SEC14L3: variants seen among roughly 807,000 people sequenced by gnomAD.
The protein encoded by SEC14L3 is SEC14-like protein 3.
SEC14L3 carries 56 observed loss-of-function variants against 57.4 expected under a neutral mutation model. The observed-to-expected ratio is 0.97, with a 90% CI of 0.79 to 1.22. The LOEUF is 1.22. SEC14L3 is among the 50% of genes most tolerant of loss of function. The pLI is 0.00. For missense variants in SEC14L3, 485 were observed against 511.7 expected, an observed-to-expected ratio of 0.95 and a Z score of 0.50; for synonymous variants, 173 against 194.4, an observed-to-expected ratio of 0.89 and a Z score of 0.92.
At chr22:30,454,527 A>G (rs562560628), downstream of SEC14L3, among the ~76,000 whole-genome samples, 104 of 111,620 alleles carry the variant, frequency 9.3e-4, 7 homozygotes, top group African/African-American at 3.6e-3. Context: ...ATTATTATAT[A>G]TAATCTATAA....
downstream of SEC14L3, among the ~76,000 whole-genome samples, chr22:30,455,212 T>C (rs1935098673): frequency 8.0e-6 from 1 of 124,624 alleles, no homozygotes; most frequent in South Asian, 2.3e-4. Context: ...TTAATATAAA[T>C]ATTAAATAAT....
At chr22:30,449,063 G>C in exon 13 of SEC14L3, 3 of 1,549,460 alleles carry the variant, frequency 1.9e-6, no homozygotes, top group Non-Finnish European at 2.6e-6. Context: ...TTACACACAG[G>C]CCAGTTACTC....
chr22:30,455,078 T>G (rs1935086254), downstream of SEC14L3, among the ~76,000 whole-genome samples: 1 of 83,458 alleles, frequency 1.2e-5, no homozygotes. Flanking sequence ...ATATATAATA[T>G]ATTAAATATT....
At position 30,468,598 on chromosome 22, in the gene SEC14L3, C is replaced by T; in HGVS notation, c.333G>A (p.Leu111=). The T allele has an allele frequency of 6.2e-7, 1 of 1,613,974 alleles. No individual in the cohort carries two copies. The highest frequency in any genetic ancestry group is 8.5e-7 in the Non-Finnish European group (1 of 1,180,006). ...DIIGPLDPKG[L]LFSVTKQDLL... ...GGTCCTGCTTGGTGACTGAGAAGAG[C>T]AACCCCTTGGGATCAAGTGGCCCAA... The change falls in exon 5 of 12, where the codon TTG becomes TTA. Residue 111 remains leucine, a synonymous_variant. Transcript: ENST00000215812.
At position 30,470,296 on chromosome 22, in the gene SEC14L3, C is replaced by G. The variant is rs956841913; in HGVS notation, c.131-41G>C. On this transcript the variant is annotated intron_variant, in intron 2 of 11. Coordinates refer to ENST00000215812, the MANE Select transcript of SEC14L3 (RefSeq NM_174975.5). ...AGGAAGGTGTGAGACAGGAAAGATG[C>G]CTTGTCTTACTCCTGGCCAGTGGGA... 3.7e-6 allele frequency: 6 copies of G among 1,605,908 alleles called. No individual in the cohort carries two copies. In the South Asian group the frequency reaches 6.7e-5, roughly 18 times the overall value.
At chr22:30,455,098 A>ATATATAT (rs1569225611), downstream of SEC14L3, among the ~76,000 whole-genome samples, 3 of 34,332 alleles carry the variant, frequency 8.7e-5, no homozygotes, top group African/African-American at 5.3e-4. Flanking sequence ...TTAATATATA[A>ATATATAT]TATATTTAAT....
downstream of SEC14L3, among the ~76,000 whole-genome samples, chr22:30,454,832 TATAATA>T (rs1165000011): frequency 2.9e-5 from 1 of 34,200 alleles, no homozygotes; most frequent in Non-Finnish European, 4.0e-5. Flanking sequence ...TAATATAATA[TATAATA>T]ATATATAATA....
In SEC14L3 at chr22:30,470,594, G is replaced by T. The variant is rs760259295; in HGVS notation, c.55-12C>A. Reference sequence around the variant, plus strand: ...ACGTTTTCTCGGAACTGGCAAGAGAGATGCTGGTTAAAGTGGCTCTCTCAC... The same window carrying T: ...ACGTTTTCTCGGAACTGGCAAGAGATATGCTGGTTAAAGTGGCTCTCTCAC... On this transcript the variant is annotated splice_polypyrimidine_tract_variant and intron_variant, in intron 1 of 11. Coordinates refer to ENST00000215812, the MANE Select transcript of SEC14L3 (RefSeq NM_174975.5). 30 of 1,614,096 alleles carry T rather than the reference G, an allele frequency of 1.9e-5. No homozygotes were observed. The highest frequency in any genetic ancestry group is 2.5e-5 in the Non-Finnish European group (29 of 1,180,042).
intron 5 of SEC14L3, among the ~76,000 whole-genome samples, chr22:30,467,792 C>G (rs1222816518): frequency 6.6e-6 from 1 of 152,206 alleles, no homozygotes; most frequent in Non-Finnish European, 1.5e-5. Flanking sequence ...ATAGCAATAG[C>G]TACCATTGTT....
chr22:30,452,949 C>G (rs1032345980), intron 12 of SEC14L3, among the ~76,000 whole-genome samples: 1 of 152,066 alleles, frequency 6.6e-6, no homozygotes, highest in Non-Finnish European at 1.5e-5. Context: ...AACTCCTATA[C>G]TCAAGCAATC....
downstream of SEC14L3, among the ~76,000 whole-genome samples, chr22:30,455,554 T>C (rs1196321866): frequency 6.6e-6 from 1 of 152,180 alleles, no homozygotes; most frequent in Non-Finnish European, 1.5e-5. Context: ...TGTGTTGCCT[T>C]AACCTTGTGC....
intron 7 of SEC14L3, 44 bp downstream of exon 7, chr22:30,466,290 T>G: frequency 8.7e-5 from 137 of 1,567,636 alleles, no homozygotes; most frequent in Non-Finnish European, 1.1e-4. Flanking sequence ...AGCGTACAGA[T>G]GAGGAAACAG....
At chr22:30,464,339 G>T (rs1226869649) in intron 8 of SEC14L3, among the ~76,000 whole-genome samples, 1 of 152,210 alleles carries the variant, frequency 6.6e-6, no homozygotes, top group Non-Finnish European at 1.5e-5. Flanking sequence ...GTCCACCAAA[G>T]GGGTATGGCA....
rs1935259033 is a variant in SEC14L3, at chr22:30,461,462, T to A, written c.929A>T (p.Asp310Val). The change falls in exon 11 of 12, where the codon GAT becomes GTT. Residue 310 changes from aspartate to valine, a missense_variant. Transcript: ENST00000215812. The part of the protein sequence containing the change: ...GCVLRWQFSS[D>V]GADIGFGVFL... The stretch of plus-strand genomic sequence containing the variant: ...AACTCCGAAGCCGATGTCCGCACCA[T>A]CAGATGAGAACTGCCACCTGTCAGG... 6.2e-7 allele frequency: 1 copy of A among 1,613,548 alleles called. No homozygotes were observed. The highest frequency in any genetic ancestry group is 8.5e-7 in the Non-Finnish European group (1 of 1,179,766).
At chr22:30,447,779 GGT>G (rs1318326574), downstream of SEC14L3, among the ~76,000 whole-genome samples, 1 of 152,132 alleles carries the variant, frequency 6.6e-6, no homozygotes, top group Non-Finnish European at 1.5e-5. Context: ...ATTGCAGATA[GGT>G]GTGTGTGTTT....
intron 7 of SEC14L3, 70 bp downstream of exon 7, chr22:30,466,264 C>T: frequency 1.4e-6 from 2 of 1,432,324 alleles, no homozygotes; most frequent in South Asian, 2.4e-5. Flanking sequence ...GGGACAAAGA[C>T]AGTGTTATCA....
In SEC14L3 at chr22:30,449,246, T is replaced by C; in HGVS notation, c.905-2A>G. The C allele has an allele frequency of 6.5e-7, 1 of 1,550,170 alleles. No individual in the cohort carries two copies. The highest frequency in any genetic ancestry group is 8.7e-7 in the Non-Finnish European group (1 of 1,146,712). ...ACTTCCCAGACTCACTTTCCACATC[T>C]GTAAAATTGAGGTGGTTATGAGAAA... On this transcript the variant is annotated splice_acceptor_variant, in intron 12 of 12. Transcript: ENST00000403066. LOFTEE classifies it high-confidence loss of function.
intron 4 of SEC14L3, 134 bp from the exon 5 acceptor site, chr22:30,468,830 A>G (rs2269963): frequency 0.64 from 1,004,107 of 1,568,218 alleles, 327,737 homozygotes; most frequent in East Asian, 0.88. Flanking sequence ...AGACAGTGCT[A>G]TTGTCTCAGG....
chr22:30,468,397 C>T (rs535483525), intron 5 of SEC14L3, 111 bp downstream of exon 5: 180 of 740,422 alleles, frequency 2.4e-4, no homozygotes, highest in African/African-American at 2.4e-3. Context: ...GGTGTTTGAC[C>T]CCAGAGCCCT....
Sources: allele counts gnomAD v4.1 joint callset (sites outside exome capture counted in the v4.1 genomes callset), GRCh38; gene constraint gnomAD v4.1.1; transcripts MANE v1.5; gene names NCBI Gene and HGNC (gene_info 2026-07-23, HGNC 2026-07-21).